The following THSD4 variants were observed in gnomAD, a reference collection of about 807,000 sequenced individuals.
THSD4 encodes the protein thrombospondin type 1 domain containing 4.
A neutral mutation model predicts 119.0 loss-of-function variants in THSD4; 69 were observed. That is an observed-to-expected ratio of 0.58 (90% confidence interval 0.48 to 0.71). The LOEUF (loss-of-function observed/expected upper bound fraction) is 0.71. THSD4 is among the 30% of genes least tolerant of loss of function. The pLI, the probability that THSD4 is intolerant of heterozygous loss-of-function variation, is 0.00. For synonymous variants in THSD4, 524 were observed against 540.4 expected (o/e 0.97, Z 0.42); for missense variants, 1,393 against 1,391.1 (o/e 1.00, Z -0.02).
chr15:71,728,953 G>A (rs996921751), intron 9 of THSD4: 9 of 568,144 alleles, frequency 1.6e-5, no homozygotes, highest in Admixed American at 3.0e-5. Flanking sequence ...ATTACCTTCG[G>A]AGTTTATTGA....
chr15:71,434,355 C>T (rs890518945), intron 7 of THSD4, among the ~76,000 whole-genome samples: 1 of 150,932 alleles, frequency 6.6e-6, no homozygotes, highest in African/African-American at 2.4e-5. Flanking sequence ...AGCTTTAGAC[C>T]TGAGAGGAAC....
At chr15:71,648,491 C>T (rs79245448) in intron 7 of THSD4, among the ~76,000 whole-genome samples, 7,033 of 152,150 alleles carry the variant, frequency 0.046, 543 homozygotes, top group African/African-American at 0.16. Context: ...CAAGACAAAC[C>T]GGGAAAGACT....
At chr15:71,679,746 G>T (rs895835134) in intron 8 of THSD4, among the ~76,000 whole-genome samples, 59 of 152,328 alleles carry the variant, frequency 3.9e-4, no homozygotes, top group African/African-American at 1.3e-3. Flanking sequence ...TGCTCGGCTG[G>T]AGAAGAGTTG....
chr15:71,314,104 A>G (rs369897829), intron 6 of THSD4, among the ~76,000 whole-genome samples: 12 of 152,266 alleles, frequency 7.9e-5, no homozygotes, highest in African/African-American at 2.6e-4. Flanking sequence ...AGTGTTTCTC[A>G]GTGAGTTGGA....
intron 6 of THSD4, among the ~76,000 whole-genome samples, chr15:71,407,422 C>A (rs1057439706): frequency 1.3e-5 from 2 of 152,078 alleles, no homozygotes; most frequent in East Asian, 3.9e-4. Context: ...TTTCTATTTT[C>A]TTTTTCTTTT....
At chr15:71,756,495 G>C (rs1206711134) in intron 14 of THSD4, among the ~76,000 whole-genome samples, 1 of 152,158 alleles carries the variant, frequency 6.6e-6, no homozygotes, top group African/African-American at 2.4e-5. Context: ...TGTTTGAAAA[G>C]ATAAAGTTTA....
chr15:71,126,073 A>G (rs1424000704), intron 1 of THSD4, among the ~76,000 whole-genome samples: 2 of 152,224 alleles, frequency 1.3e-5, no homozygotes, highest in Non-Finnish European at 2.9e-5. Context: ...AGCCAAGGGC[A>G]TGGGCGTTGA....
chr15:71,739,801 GT>G (rs11314493), intron 11 of THSD4, among the ~76,000 whole-genome samples: 127,318 of 142,170 alleles, frequency 0.9, 57,197 homozygotes, highest in Non-Finnish European at 0.94. Flanking sequence ...GTTTGGGGTG[GT>G]TTTTTTTTTT....
At chr15:71,459,001 A>G (rs942364355) in intron 7 of THSD4, among the ~76,000 whole-genome samples, 14 of 152,014 alleles carry the variant, frequency 9.2e-5, no homozygotes, top group African/African-American at 3.4e-4. Context: ...TCTCTGCTTG[A>G]CTATGTTTTA....
At chr15:71,756,056 T>G (rs1464377742) in intron 14 of THSD4, among the ~76,000 whole-genome samples, 1 of 152,184 alleles carries the variant, frequency 6.6e-6, no homozygotes, top group Non-Finnish European at 1.5e-5. Context: ...TTGGGTCAAT[T>G]GGGGCCATAT....
intron 7 of THSD4, among the ~76,000 whole-genome samples, chr15:71,527,312 A>G (rs1439372505): frequency 1.3e-5 from 2 of 152,216 alleles, no homozygotes; most frequent in East Asian, 3.8e-4. Context: ...CAGAAAACTG[A>G]CTAAGACAGC....
chr15:71,171,854 A>G (rs778596008), intron 3 of THSD4, among the ~76,000 whole-genome samples: 13 of 152,228 alleles, frequency 8.5e-5, no homozygotes, highest in Non-Finnish European at 1.8e-4. Context: ...ATGTTCATGA[A>G]TTGGAAGACG....
chr15:71,412,470 A>G (rs1204838347), intron 7 of THSD4, among the ~76,000 whole-genome samples: 1 of 152,186 alleles, frequency 6.6e-6, no homozygotes, highest in African/African-American at 2.4e-5. Context: ...CAAATTCCGT[A>G]GCTACATTAA....
chr15:71,707,889 C>T (rs771232049), intron 8 of THSD4, among the ~76,000 whole-genome samples: 6 of 152,208 alleles, frequency 3.9e-5, no homozygotes, highest in African/African-American at 1.4e-4. Context: ...CTTTTTCCAG[C>T]CTGATACTTT....
chr15:71,608,237 A>AAAAATATAT (rs537013275), intron 7 of THSD4, among the ~76,000 whole-genome samples: 57 of 111,592 alleles, frequency 5.1e-4, no homozygotes, highest in South Asian at 2.4e-3. Flanking sequence ...AAAAAAAAAA[A>AAAAATATAT]ATATATATAT....
chr15:71,597,539 C>T (rs1193561793), intron 7 of THSD4, among the ~76,000 whole-genome samples: 1 of 152,150 alleles, frequency 6.6e-6, no homozygotes, highest in Non-Finnish European at 1.5e-5. Context: ...TTTTAAGGAT[C>T]ATTAGACTTT....
intron 7 of THSD4, among the ~76,000 whole-genome samples, chr15:71,582,886 A>G (rs2049587395): frequency 6.6e-6 from 1 of 152,024 alleles, no homozygotes; most frequent in Admixed American, 6.6e-5. Flanking sequence ...GTATACTAGT[A>G]TTTTGTTGAG....
chr15:71,692,435 C>G (rs2052074345), intron 8 of THSD4, among the ~76,000 whole-genome samples: 1 of 152,136 alleles, frequency 6.6e-6, no homozygotes, highest in Non-Finnish European at 1.5e-5. Flanking sequence ...GACATATATT[C>G]TTCCACTGTA....
At chr15:71,442,656 G>GTGTGTGTGTGTATGTA (rs1555414310) in intron 7 of THSD4, among the ~76,000 whole-genome samples, 8 of 30,632 alleles carry the variant, frequency 2.6e-4, no homozygotes, top group East Asian at 2.1e-3. Flanking sequence ...GTGTGTGTGT[G>GTGTGTGTGTGTATGTA]TGTGTATATA....
Sources: allele counts gnomAD v4.1 joint callset (sites outside exome capture counted in the v4.1 genomes callset), GRCh38; gene constraint gnomAD v4.1.1; transcripts MANE v1.5; gene names NCBI Gene and HGNC (gene_info 2026-07-23, HGNC 2026-07-21).